The following ARHGAP27 variants were observed in gnomAD, a reference collection of about 807,000 sequenced individuals.
ARHGAP27 encodes the protein Rho GTPase activating protein 27.
Under a neutral mutation model 102.0 loss-of-function variants are expected in ARHGAP27, and 53 were observed. The ratio of observed to expected loss-of-function variants is 0.52; its 90% CI spans 0.42 to 0.65. ARHGAP27 has a LOEUF of 0.65. Ranked by LOEUF, ARHGAP27 falls within the 30% of genes least tolerant of loss-of-function variation. ARHGAP27 has a pLI of 0.00. For synonymous variants in ARHGAP27, 525 were observed against 542.8 expected (o/e 0.97, Z 0.46); for missense variants, 1,117 against 1,256.2 (o/e 0.89, Z 1.68).
rs1051146058 is a variant in ARHGAP27 at position 45,404,289 on chromosome 17, G to A, written c.1459C>T (p.Pro487Ser). ...CCTACCCTCACAGCAGCTGTGGCAG[G>A]AGAGACTTCCTCCCAGCTCCCAACC... ...DEVGSWEEVSPATAAVRTKTL... is the reference protein window; with the variant it reads ...DEVGSWEEVSSATAAVRTKTL... Residue 487 changes from proline (P) to serine (S), a missense_variant, in exon 9 of 20, where the codon CCT becomes TCT. Transcript: ENST00000685559. 10 of 1,613,918 alleles carry A rather than the reference G, an allele frequency of 6.2e-6. No individual in the cohort carries two copies. Among genetic ancestry groups the A allele is most frequent in the Middle Eastern group, 1.6e-4 (1 of 6,082 alleles).
intron 4 of ARHGAP27, among the ~76,000 whole-genome samples, chr17:45,426,350 T>C (rs1266687030): frequency 3.9e-5 from 6 of 152,140 alleles, no homozygotes; most frequent in African/African-American, 1.2e-4. Context: ...TGTTAGCCCC[T>C]TTGGGACTGC....
chr17:45,397,822 G>A (rs1400015732), intron 13 of ARHGAP27, 127 bp downstream of exon 13: 2 of 738,864 alleles, frequency 2.7e-6, no homozygotes, highest in East Asian at 5.5e-5. Context: ...TGCCATCCTA[G>A]CCATTAGTGG....
intron 4 of ARHGAP27, among the ~76,000 whole-genome samples, chr17:45,426,621 A>G (rs113936546): frequency 6.9e-4 from 95 of 138,586 alleles, no homozygotes; most frequent in African/African-American, 2.6e-3. Flanking sequence ...TCTGTTCTGC[A>G]CCCACTTTCT....
In ARHGAP27 at chr17:45,396,794, C is replaced by G. The variant is rs778020696; in HGVS notation, c.1952-4G>C. Reference sequence around the variant, plus strand: ...ACGGGGCCCAGGGCGGGCGCGGCTGCCGCGGGGAAAGGCAGGACTGAGTCA... The same window carrying G: ...ACGGGGCCCAGGGCGGGCGCGGCTGGCGCGGGGAAAGGCAGGACTGAGTCA... On this transcript the variant is annotated splice_polypyrimidine_tract_variant and splice_region_variant and intron_variant, in intron 14 of 19. Coordinates refer to ENST00000685559, the MANE Select transcript of ARHGAP27 (RefSeq NM_001282290.2). The G allele has an allele frequency of 1.4e-5, 22 of 1,609,786 alleles. No homozygotes were observed. Among genetic ancestry groups the G allele is most frequent in the Non-Finnish European group, 1.9e-5 (22 of 1,178,092 alleles).
rs1597793908 is a variant in ARHGAP27, at chr17:45,404,768, C to T, written c.1249-87G>A. 8.6e-6 allele frequency: 13 copies of T among 1,516,066 alleles called. No individual in the cohort carries two copies. In the South Asian group the frequency reaches 9.4e-5, roughly 11 times the overall value. The allele number at this position is 1,516,066 out of a possible 1,614,324, so 93.9% of individuals were successfully genotyped here. A position where few individuals can be genotyped will look rare whatever the true frequency, so the allele number is the denominator to read the frequency against. The stretch of plus-strand genomic sequence containing the variant: ...CCTCTAACCAGGTTCCAAGACAGCA[C>T]CAGGGAGTCTGGAGGGGCAGGTGCA... On this transcript the variant is annotated intron_variant, in intron 6 of 19. Transcript: ENST00000685559.
At chr17:45,410,786 C>T (rs536107126) in intron 4 of ARHGAP27, among the ~76,000 whole-genome samples, 1 of 151,892 alleles carries the variant, frequency 6.6e-6, no homozygotes, top group African/African-American at 2.4e-5. Context: ...TGTCCACTCC[C>T]TCTAGGCCCA....
At chr17:45,432,033 A>G (rs2050093915) in intron 2 of ARHGAP27, among the ~76,000 whole-genome samples, 183 bp downstream of exon 2, 2 of 89,330 alleles carry the variant, frequency 2.2e-5, no homozygotes, top group Non-Finnish European at 4.2e-5. Flanking sequence ...ACCCCCCGGG[A>G]TTTGCTGTCC....
At chr17:45,405,298 G>T (rs949859785) in intron 5 of ARHGAP27, among the ~76,000 whole-genome samples, 192 bp from the exon 6 acceptor site, 1 of 151,136 alleles carries the variant, frequency 6.6e-6, no homozygotes, top group African/African-American at 2.4e-5. Context: ...AGCAGAAGGC[G>T]TCAGAGGTAG....
intron 4 of ARHGAP27, chr17:45,410,251 C>A: frequency 6.5e-7 from 1 of 1,533,852 alleles, no homozygotes; most frequent in Non-Finnish European, 8.7e-7. Flanking sequence ...CAAGGCTCGA[C>A]TCTGCCTCCT....
rs1215692427 is a variant in ARHGAP27, at chr17:45,404,510, G to C, written c.1348C>G (p.Arg450Gly). Reference sequence around the variant, plus strand: ...TCCTGGCTGGATTTATGGATGCTTCGAGGGGCAGGGACAGGGACCTGGGGA... The same window carrying C: ...TCCTGGCTGGATTTATGGATGCTTCCAGGGGCAGGGACAGGGACCTGGGGA... ...ELPQVPVPAP[R>G]SIHKSSQDGD... Residue 450 changes from arginine to glycine, a missense_variant, in exon 8 of 20, where the codon CGA (arginine) becomes GGA (glycine). By Grantham distance (125) the Arg-to-Gly change is moderately radical (BLOSUM62 -2). Transcript: ENST00000685559. The C allele has an allele frequency of 1.4e-5, 22 of 1,613,372 alleles. No homozygotes were observed. The highest frequency in any genetic ancestry group is 1.9e-5 in the Non-Finnish European group (22 of 1,179,826).
chr17:45,430,166 C>T lies in ARHGAP27; in HGVS notation c.114G>A (p.Leu38=). 1 of 1,537,838 alleles carries T rather than the reference C, an allele frequency of 6.5e-7. No homozygotes were observed. The highest frequency in any genetic ancestry group is 8.7e-7 in the Non-Finnish European group (1 of 1,148,610). The change falls in exon 4 of 20, where the codon CTG becomes CTA. Residue 38 remains leucine (L), a synonymous_variant. Transcript: ENST00000685559. This position sits in a 1 kb window ranked among gnomAD's most constrained non-coding sequence, Gnocchi z 4.4. ...GCCACCAGTGCTCGGTGCTGCGCCG[C>T]AGCAGCCGGTAGCGCTCATTCGGCC... ...AIRPNERYRL[L]RRSTEHWWHV...
intron 12 of ARHGAP27, among the ~76,000 whole-genome samples, chr17:45,400,788 G>A (rs1242550527): frequency 6.6e-6 from 1 of 152,052 alleles, no homozygotes; most frequent in Non-Finnish European, 1.5e-5. Flanking sequence ...GGTGGCAGGC[G>A]CCTGTAGTCC....
At chr17:45,419,514 A>ATGTGTG (rs1291595217) in intron 4 of ARHGAP27, among the ~76,000 whole-genome samples, 1 of 3,224 alleles carries the variant, frequency 3.1e-4, no homozygotes, top group African/African-American at 4.2e-4. Flanking sequence ...TGCTGTATGT[A>ATGTGTG]TATATATATA....
At chr17:45,413,986 A>G (rs1001616410) in intron 4 of ARHGAP27, among the ~76,000 whole-genome samples, 6 of 152,088 alleles carry the variant, frequency 3.9e-5, no homozygotes, top group Non-Finnish European at 5.9e-5. Context: ...TGCGCCTGTA[A>G]TTCCAGCTAC....
At chr17:45,407,663 C>G (rs1248099520) in intron 4 of ARHGAP27, 1 of 151,910 alleles carries the variant, frequency 6.6e-6, no homozygotes, top group African/African-American at 2.4e-5. Context: ...TGCAGGCACG[C>G]ACCACCACGC....
In ARHGAP27 at chr17:45,402,731, T is replaced by G. The variant is rs762924863; in HGVS notation, c.1726A>C (p.Arg576=). ...LSWAPKDKSS[R]KNVLELRSRD... is the part of the protein sequence containing the mutation. ...CCACTCACCTCCAGCACATTCTTCC[T>G]ACTGGATTTGTCTTTGGGGGCCCAG... The change falls in exon 12 of 20, where the codon AGG becomes CGG. Residue 576 remains arginine, a synonymous_variant. Coordinates refer to ENST00000685559, the MANE Select transcript of ARHGAP27 (RefSeq NM_001282290.2). 3 of 1,612,938 alleles carry G rather than the reference T, an allele frequency of 1.9e-6. No homozygotes were observed. Among genetic ancestry groups the G allele is most frequent in the Non-Finnish European group, 2.5e-6 (3 of 1,179,014 alleles).
rs767514153 is a variant in ARHGAP27, at chr17:45,396,967, C to T, written c.1900G>A (p.Glu634Lys). Residue 634 changes from glutamate (E) to lysine (K), a missense_variant, in exon 14 of 20, where the codon GAG (glutamate) becomes AAG (lysine). By Grantham distance (56) the Glu-to-Lys change is moderately conservative (BLOSUM62 1). Coordinates refer to ENST00000685559, the MANE Select transcript of ARHGAP27 (RefSeq NM_001282290.2). ...ESSRVDFGSSERLGSWQEKEE... is the reference protein window; with the variant it reads ...ESSRVDFGSSKRLGSWQEKEE... Reference sequence around the variant, plus strand: ...TTCTCCTGCCAGCTTCCCAAGCGCTCGCTCGACCCGAAGTCCACTCTGCTG... The same window carrying T: ...TTCTCCTGCCAGCTTCCCAAGCGCTTGCTCGACCCGAAGTCCACTCTGCTG... 1.3e-5 allele frequency: 21 copies of T among 1,605,490 alleles called. No homozygotes were observed. The East Asian group carries it at 1.6e-4, about 12-fold the overall frequency.
In ARHGAP27 at chr17:45,403,623, C is replaced by A. The variant is rs1268858992; in HGVS notation, c.1634G>T (p.Gly545Val). Residue 545 changes from glycine (G) to valine (V), a missense_variant, in exon 11 of 20, where the codon GGC (glycine) becomes GTC (valine). Transcript: ENST00000685559. ...GCCCTGAGGGCCTGGCCTTACCAGG[C>A]CGCCTGCAGCCGAGGTCTTTGAGTC... is the stretch of plus-strand genomic sequence containing the variant. ...FKDSKTSAAG[G>V]LRQPSKFSTP... 1 of 1,613,568 alleles carries A rather than the reference C, an allele frequency of 6.2e-7. No individual in the cohort carries two copies. Among genetic ancestry groups the A allele is most frequent in the South Asian group, 1.1e-5 (1 of 91,058 alleles).
Position 45,405,113 on chromosome 17 carries a change from G to A in ARHGAP27, c.1066-7C>T. On this transcript the variant is annotated splice_region_variant and splice_polypyrimidine_tract_variant and intron_variant, in intron 5 of 19. Coordinates refer to ENST00000685559, the MANE Select transcript of ARHGAP27 (RefSeq NM_001282290.2). ...CCGTCTCGGGAGTGGGGGGCTGCGG[G>A]GAACAGAAGGTGGAGTCAGAGGCTC... 1.3e-6 allele frequency: 2 copies of A among 1,564,678 alleles called. No individual in the cohort carries two copies. Among genetic ancestry groups the A allele is most frequent in the Non-Finnish European group, 1.7e-6 (2 of 1,153,838 alleles).
Sources: allele counts gnomAD v4.1 joint callset (sites outside exome capture counted in the v4.1 genomes callset), GRCh38; gene constraint gnomAD v4.1.1; non-coding constraint Gnocchi (gnomAD v3.1); transcripts MANE v1.5; gene names NCBI Gene and HGNC (gene_info 2026-07-23, HGNC 2026-07-21).